Variants in MRPS6 observed in about 807,000 individuals in gnomAD.
MRPS6 encodes the protein small ribosomal subunit protein bS6m.
MRPS6 carries 6 observed loss-of-function variants against 13.1 expected under a neutral mutation model. The ratio of observed to expected loss-of-function variants is 0.46; its 90% CI spans 0.25 to 0.91. MRPS6 has a LOEUF of 0.91. Ranked by LOEUF, MRPS6 falls within the 40% of genes least tolerant of loss-of-function variation. MRPS6 has a pLI of 0.18. For missense variants in MRPS6, 164 were observed against 155.6 expected, an observed-to-expected ratio of 1.05 and a Z score of -0.29; for synonymous variants, 61 against 56.5, an observed-to-expected ratio of 1.08 and a Z score of -0.36.
intron 1 of MRPS6, among the ~76,000 whole-genome samples, chr21:34,117,252 A>G: frequency 6.6e-6 from 1 of 152,156 alleles, no homozygotes; most frequent in South Asian, 2.1e-4. Context: ...ATTCTACCCC[A>G]AATATAAATT....
At chr21:34,086,990 T>C (rs1978422038) in intron 1 of MRPS6, among the ~76,000 whole-genome samples, 1 of 152,082 alleles carries the variant, frequency 6.6e-6, no homozygotes, top group Admixed American at 6.5e-5. Context: ...CACTGCACAC[T>C]AAGAGGTGGA....
chr21:34,139,637 AT>A (rs1980841033), intron 2 of MRPS6, among the ~76,000 whole-genome samples: 1 of 152,100 alleles, frequency 6.6e-6, no homozygotes, highest in South Asian at 2.1e-4. Context: ...GAATGCAGTG[AT>A]ACAATCACGG....
chr21:34,083,663 A>G (rs1363255998), intron 1 of MRPS6, among the ~76,000 whole-genome samples: 1 of 152,232 alleles, frequency 6.6e-6, no homozygotes, highest in Non-Finnish European at 1.5e-5. Context: ...TATGAAGTAT[A>G]GTATCTTGAA....
rs371803463 is a variant in MRPS6 at position 34,091,283 on chromosome 21, C to G, written c.45+17538C>G. On this transcript the variant is annotated intron_variant, in intron 1 of 2. Transcript: ENST00000399312. ...GCAGGCCCCGCCCTGTGTCATTGAA[C>G]TTATGACTTGAAGCCCTGAGTATAG... 1.5e-4 allele frequency among the ~76,000 whole-genome samples: 23 copies of G among 152,226 alleles called. 1 individual carries two copies. The highest frequency in any genetic ancestry group is 5.1e-4 in the African/African-American group (21 of 41,548).
At position 34,095,306 on chromosome 21, in the gene MRPS6, G is replaced by C. The variant is rs752875736; in HGVS notation, c.45+21561G>C. ...TGTGGAAATCTAATAGAAGCACCGTGAGTGGATACTTCCTGGCGGGGCGCT... is the reference window on the plus strand; with the variant it reads ...TGTGGAAATCTAATAGAAGCACCGTCAGTGGATACTTCCTGGCGGGGCGCT... On this transcript the variant is annotated intron_variant, in intron 1 of 2. Transcript: ENST00000399312. 10 of 1,614,120 alleles carry C rather than the reference G, an allele frequency of 6.2e-6. No homozygotes were observed. The South Asian group carries it at 9.9e-5, about 16-fold the overall frequency.
At chr21:34,077,824 A>G (rs1214054306) in intron 1 of MRPS6, among the ~76,000 whole-genome samples, 1 of 152,190 alleles carries the variant, frequency 6.6e-6, no homozygotes, top group African/African-American at 2.4e-5. Context: ...TGTAGAAAAC[A>G]GTTGGTTTTC....
intron 1 of MRPS6, among the ~76,000 whole-genome samples, chr21:34,112,540 C>CA (rs1488683429): frequency 2.6e-5 from 4 of 152,268 alleles, no homozygotes; most frequent in African/African-American, 9.6e-5. Flanking sequence ...TTAGAACATT[C>CA]ATAATCATTA....
At chr21:34,097,913 C>CTTT in intron 1 of MRPS6, 1 of 997,146 alleles carries the variant, frequency 1.0e-6, no homozygotes, top group Non-Finnish European at 1.2e-6. Context: ...TTCTGATTTC[C>CTTT]CAAAGAAAGA....
intron 1 of MRPS6, among the ~76,000 whole-genome samples, chr21:34,093,604 AACAT>A (rs1978819580): frequency 6.6e-6 from 1 of 152,178 alleles, no homozygotes; most frequent in Admixed American, 6.5e-5. Flanking sequence ...AGCATGGAAA[AACAT>A]TCTTCTCTGA....
At chr21:34,076,578 A>G (rs1989336936) in intron 1 of MRPS6, among the ~76,000 whole-genome samples, 3 of 152,228 alleles carry the variant, frequency 2.0e-5, no homozygotes, top group African/African-American at 4.8e-5. Context: ...GTAGTTAACT[A>G]GTGTTTCTAA....
At chr21:34,098,737 G>C (rs1212137884) in intron 1 of MRPS6, 2 of 1,000,018 alleles carry the variant, frequency 2.0e-6, no homozygotes, top group African/African-American at 3.5e-5. Context: ...GACATGGCTT[G>C]GCACCCACTT....
chr21:34,118,679 T>C, intron 1 of MRPS6, among the ~76,000 whole-genome samples: 1 of 151,752 alleles, frequency 6.6e-6, no homozygotes. Context: ...CACGCCTGGC[T>C]AATTTTTATA....
At chr21:34,132,333 T>C (rs867661160) in intron 2 of MRPS6, among the ~76,000 whole-genome samples, 4 of 152,098 alleles carry the variant, frequency 2.6e-5, no homozygotes, top group Middle Eastern at 6.8e-3. Context: ...GCCATGGGAG[T>C]GGAAGCAGTC....
chr21:34,142,594 G>A lies in MRPS6; in HGVS notation c.372G>A (p.Lys124=), dbSNP rs1046100865. 6.3e-7 allele frequency: 1 copy of A among 1,598,424 alleles called. No homozygotes were observed. Among genetic ancestry groups the A allele is most frequent in the Non-Finnish European group, 8.5e-7 (1 of 1,174,300 alleles). Residue 124 remains lysine, a synonymous_variant, in exon 3 of 3, where the codon AAG becomes AAA. Coordinates refer to ENST00000399312, the MANE Select transcript of MRPS6 (RefSeq NM_032476.4). ...AATTATATTCCACAAAGAAGAGGAA[G>A]AAGTGAGAAGATTCGCCAGATTTTA... The part of the protein sequence containing the change: ...AEKLYSTKKR[K]K
At chr21:34,100,321 G>T in intron 1 of MRPS6, 9 of 1,000,184 alleles carry the variant, frequency 9.0e-6, no homozygotes, top group Non-Finnish European at 1.1e-5. Context: ...TATTTTGTGG[G>T]ACCTCTAATT....
chr21:34,094,361 G>C (rs1978862301), intron 1 of MRPS6, among the ~76,000 whole-genome samples: 1 of 152,072 alleles, frequency 6.6e-6, no homozygotes, highest in South Asian at 2.1e-4. Flanking sequence ...AATTTTCTGA[G>C]GGTAGATGAT....
At chr21:34,114,609 A>G (rs1979830748) in intron 1 of MRPS6, among the ~76,000 whole-genome samples, 1 of 152,206 alleles carries the variant, frequency 6.6e-6, no homozygotes, top group Non-Finnish European at 1.5e-5. Context: ...GTGCTGAGAA[A>G]TACCTTGGTG....
chr21:34,103,581 G>A (rs1392372061), intron 1 of MRPS6: 2 of 999,974 alleles, frequency 2.0e-6, no homozygotes, highest in African/African-American at 1.7e-5. Context: ...GCACAAAATC[G>A]TGTTCACACA....
rs1223015456 is a variant in MRPS6 at position 34,104,527 on chromosome 21, G to A, written c.46-20814G>A. Reference sequence around the variant, plus strand: ...TAATTATCCTTTTAGGGAAAGACTTGGTCAACTCTAATATATCTAGAAGGA... The same window carrying A: ...TAATTATCCTTTTAGGGAAAGACTTAGTCAACTCTAATATATCTAGAAGGA... On this transcript the variant is annotated intron_variant, in intron 1 of 2. Transcript: ENST00000399312. 8 of 997,748 alleles carry A rather than the reference G, an allele frequency of 8.0e-6. No individual in the cohort carries two copies. In the East Asian group the frequency reaches 6.8e-4, roughly 85 times the overall value. The allele number at this position is 997,748 out of a possible 1,614,324, so 61.8% of individuals were successfully genotyped here.
Sources: gnomAD v4.1 joint callset for allele counts (sites outside exome capture counted in the v4.1 genomes callset) on GRCh38, gnomAD v4.1.1 for gene constraint, MANE v1.5 for transcripts, NCBI Gene and HGNC (gene_info 2026-07-23, HGNC 2026-07-21) for gene names.